Variants in RPS6KA2 observed in about 807,000 individuals in gnomAD.
The protein encoded by RPS6KA2 is ribosomal protein S6 kinase alpha-2.
In RPS6KA2, 42 loss-of-function variants were observed where a neutral mutation model predicts 91.8. The observed-to-expected ratio is 0.46, with a 90% confidence interval of 0.36 to 0.59. The LOEUF is 0.59. Among genes scored for constraint, RPS6KA2 ranks in the 20% least tolerant of loss-of-function variants. The pLI, the probability that RPS6KA2 is intolerant of heterozygous loss-of-function variation, is 0.00. For synonymous variants in RPS6KA2, 414 were observed against 393.6 expected (o/e 1.05, Z -0.61); for missense variants, 798 against 978.5 (o/e 0.82, Z 2.46).
intron 2 of RPS6KA2, among the ~76,000 whole-genome samples, chr6:166,658,601 G>A (rs890292829): frequency 6.6e-6 from 1 of 152,108 alleles, no homozygotes; most frequent in African/African-American, 2.4e-5. Context: ...TCCATGTCAG[G>A]ATGTACCGGG....
chr6:166,777,144 G>A (rs539780279), intron 2 of RPS6KA2, among the ~76,000 whole-genome samples: 17 of 152,342 alleles, frequency 1.1e-4, no homozygotes, highest in African/African-American at 3.4e-4. Flanking sequence ...GGAGGCCTGA[G>A]CAGGGAGCGC....
intron 2 of RPS6KA2, among the ~76,000 whole-genome samples, chr6:166,762,737 G>C (rs7759934): frequency 0.025 from 3,873 of 152,156 alleles, 186 homozygotes; most frequent in African/African-American, 0.086. Context: ...CCCAGGAAAC[G>C]ACCTTCACTT....
At chr6:166,783,748 C>A (rs190722335) in intron 2 of RPS6KA2, among the ~76,000 whole-genome samples, 92 of 150,738 alleles carry the variant, frequency 6.1e-4, no homozygotes, top group Middle Eastern at 6.8e-3. Flanking sequence ...GGACACCTAT[C>A]TAAAACCACA....
chr6:166,698,154 T>TA (rs1789408088), intron 2 of RPS6KA2, among the ~76,000 whole-genome samples: 2 of 152,212 alleles, frequency 1.3e-5, no homozygotes, highest in Non-Finnish European at 2.9e-5. Flanking sequence ...CACAAAAATA[T>TA]AAAAAATCCG....
At position 166,432,476 on chromosome 6, in the gene RPS6KA2, G is replaced by T. The variant is rs777428566; in HGVS notation, c.1347C>A (p.Ser449Arg). ...TEYAVKIIDKSKRDPSEEIEI... is the reference protein window; with the variant it reads ...TEYAVKIIDKRKRDPSEEIEI... Reference sequence around the variant, plus strand: ...CAATCTCTTCCGAGGGGTCTCTCTTGCTCTTATCAATGATCTGGAACAAAC... The same window carrying T: ...CAATCTCTTCCGAGGGGTCTCTCTTTCTCTTATCAATGATCTGGAACAAAC... Residue 449 changes from serine to arginine, a missense_variant, in exon 15 of 21, where the codon AGC becomes AGA. Coordinates refer to ENST00000265678, the MANE Select transcript of RPS6KA2 (RefSeq NM_021135.6). 6 of 1,611,824 alleles carry T rather than the reference G, an allele frequency of 3.7e-6. No homozygotes were observed.
intron 2 of RPS6KA2, among the ~76,000 whole-genome samples, chr6:166,785,802 T>A (rs1778913392): frequency 6.6e-6 from 1 of 152,228 alleles, no homozygotes; most frequent in Admixed American, 6.5e-5. Context: ...CTTATTTATA[T>A]GAGACTTAAG....
chr6:166,608,656 A>C (rs1317828326), intron 1 of RPS6KA2, among the ~76,000 whole-genome samples: 1 of 152,178 alleles, frequency 6.6e-6, no homozygotes, highest in Admixed American at 6.5e-5. Context: ...CATTCAGTTA[A>C]AGTGCCTCAT....
chr6:166,628,927 A>G (rs1342741313), upstream of RPS6KA2, among the ~76,000 whole-genome samples: 2 of 152,270 alleles, frequency 1.3e-5, no homozygotes, highest in Non-Finnish European at 2.9e-5. Flanking sequence ...GACACCAAAC[A>G]CCACTTTTTG....
intron 2 of RPS6KA2, among the ~76,000 whole-genome samples, chr6:166,840,435 G>A (rs1290187903): frequency 2.0e-5 from 3 of 152,188 alleles, no homozygotes; most frequent in Non-Finnish European, 4.4e-5. Context: ...AGTTTGCCTG[G>A]CACAGACACA....
At chr6:166,673,495 G>A (rs895085020) in intron 2 of RPS6KA2, among the ~76,000 whole-genome samples, 1 of 152,162 alleles carries the variant, frequency 6.6e-6, no homozygotes, top group African/African-American at 2.4e-5. Context: ...CGACAACTCT[G>A]CACAGCCCTA....
intron 2 of RPS6KA2, among the ~76,000 whole-genome samples, chr6:166,636,894 T>C (rs1465745896): frequency 6.6e-6 from 1 of 152,138 alleles, no homozygotes; most frequent in Non-Finnish European, 1.5e-5. Flanking sequence ...GACAAATAGC[T>C]ATAGGCCAAT....
At position 166,812,196 on chromosome 6, in the gene RPS6KA2, AAAT is replaced by A. The variant is rs373289030; in HGVS notation, c.123+46001_123+46003del. Among the ~76,000 whole-genome samples the A allele has an allele frequency of 1.8e-3, 276 of 152,294 alleles. 1 individual carries two copies. Among genetic ancestry groups the A allele is most frequent in the African/African-American group, 6.4e-3 (265 of 41,558 alleles). The stretch of plus-strand genomic sequence containing the variant: ...CATGGTGAAACCCTGTCTCTACTAA[AAAT>A]AAAAAAATTAGCCGGGAATGGTGGT... On this transcript the variant is annotated intron_variant, in intron 2 of 21. Transcript: ENST00000503859.
intron 14 of RPS6KA2, among the ~76,000 whole-genome samples, chr6:166,446,129 A>G (rs900259450): frequency 2.0e-5 from 3 of 152,390 alleles, no homozygotes; most frequent in African/African-American, 7.2e-5. Context: ...CCCATTCTAA[A>G]TAACAAGCTC....
intron 2 of RPS6KA2, among the ~76,000 whole-genome samples, chr6:166,832,945 A>G (rs373651391): frequency 6.6e-6 from 1 of 152,358 alleles, no homozygotes; most frequent in African/African-American, 2.4e-5. Flanking sequence ...AGATCTTGCC[A>G]ATATGTTTGA....
Position 166,498,502 on chromosome 6 carries a change from G to T in RPS6KA2, c.747+6C>A, listed in dbSNP as rs768810050. The T allele has an allele frequency of 6.2e-7, 1 of 1,605,986 alleles. No individual in the cohort carries two copies. The highest frequency in any genetic ancestry group is 2.2e-5 in the East Asian group (1 of 44,720). On this transcript the variant is annotated splice_donor_region_variant and intron_variant, in intron 8 of 20. Transcript: ENST00000265678. The stretch of plus-strand genomic sequence containing the variant: ...ATGGCACAGAAGAGGGTCGGGGCAG[G>T]CTCACCATGAGCACGCCGAAGGACC...
At position 166,852,364 on chromosome 6, in the gene RPS6KA2, T is replaced by A. The variant is rs1320803369; in HGVS notation, c.123+5836A>T. On this transcript the variant is annotated intron_variant, in intron 2 of 21. Coordinates refer to the RPS6KA2 transcript ENST00000503859. The surrounding 1 kb of genome is among the most constrained non-coding windows in gnomAD (Gnocchi z 4.1). ...AATTGCATTGCTCTTAATTGCTTCA[T>A]TAGTGCCTGGGCTTCATTATTCACC... Among the ~76,000 whole-genome samples, 2 of 152,226 alleles carry A rather than the reference T, an allele frequency of 1.3e-5. No homozygotes were observed. The highest frequency in any genetic ancestry group is 1.3e-4 in the Admixed American group (2 of 15,288).
rs2128481632 is a variant in RPS6KA2, at chr6:166,508,140, C to A, written c.459+63G>T. The A allele has an allele frequency of 9.4e-7, 1 of 1,062,438 alleles. No homozygotes were observed. Among genetic ancestry groups the A allele is most frequent in the Admixed American group, 1.8e-5 (1 of 54,180 alleles). The allele number at this position is 1,062,438 out of a possible 1,614,324, so 65.8% of individuals were successfully genotyped here. ...GTCCTCTCAATGCTCTCCACCCCTC[C>A]TCCCCTCGAGTCCCAGACAGAAGCT... is the stretch of plus-strand genomic sequence containing the variant. On this transcript the variant is annotated intron_variant, in intron 5 of 20. Coordinates refer to ENST00000265678, the MANE Select transcript of RPS6KA2 (RefSeq NM_021135.6). This position sits in a 1 kb window ranked among gnomAD's most constrained non-coding sequence, Gnocchi z 4.3.
chr6:166,749,759 C>CTCCTCAGGCCCCCATT (rs1265226795), intron 2 of RPS6KA2, among the ~76,000 whole-genome samples: 1 of 129,352 alleles, frequency 7.7e-6, no homozygotes, highest in Non-Finnish European at 1.6e-5. Flanking sequence ...AGGCCCCCAT[C>CTCCTCAGGCCCCCATT]TCCTCAGGCC....
At chr6:166,521,160 T>C (rs1249656603) in intron 3 of RPS6KA2, among the ~76,000 whole-genome samples, 4 of 152,226 alleles carry the variant, frequency 2.6e-5, no homozygotes, top group Admixed American at 1.3e-4. Context: ...TTCCCCACCA[T>C]GGGGAGTGCA....
Sources: gnomAD v4.1 joint callset for allele counts (sites outside exome capture counted in the v4.1 genomes callset) on GRCh38, gnomAD v4.1.1 for gene constraint, Gnocchi (gnomAD v3.1) non-coding constraint, MANE v1.5 for transcripts, NCBI Gene and HGNC (gene_info 2026-07-23, HGNC 2026-07-21) for gene names.